CHD1L: variants seen among roughly 807,000 people sequenced by gnomAD.
CHD1L encodes chromodomain helicase DNA binding protein 1 like.
In CHD1L, 118 loss-of-function variants were observed where a neutral mutation model predicts 115.9. That is an observed-to-expected ratio of 1.02 (90% CI 0.88 to 1.19). CHD1L has a LOEUF of 1.19. CHD1L is among the 50% of genes most tolerant of loss of function. CHD1L has a pLI of 0.00. For missense variants in CHD1L, 1,179 were observed against 1,065.3 expected, an observed-to-expected ratio of 1.11 and a Z score of -1.49; for synonymous variants, 411 against 387.1, an observed-to-expected ratio of 1.06 and a Z score of -0.72.
Position 147,286,623 on chromosome 1 carries a change from G to T in CHD1L, c.2221+123G>T. 6 of 824,790 alleles carry T rather than the reference G, an allele frequency of 7.3e-6. No homozygotes were observed. In the South Asian group the frequency reaches 1.0e-4, roughly 14 times the overall value. 51.1% of individuals were successfully genotyped at this position (824,790 alleles called of 1,614,324 possible). A position where few individuals can be genotyped will look rare whatever the true frequency, so the allele number is the denominator to read the frequency against. On this transcript the variant is annotated intron_variant, in intron 18 of 22. Coordinates refer to ENST00000369258, the MANE Select transcript of CHD1L (RefSeq NM_004284.6). ...TGTAGTATTGTACAGTCAAAAAAGT[G>T]TGAATTTTAGAGTCAGGAGATATTC...
At chr1:147,247,779 T>C (rs954460487) in intron 1 of CHD1L, among the ~76,000 whole-genome samples, 1 of 152,136 alleles carries the variant, frequency 6.6e-6, no homozygotes, top group Non-Finnish European at 1.5e-5. Flanking sequence ...GAGAATATAT[T>C]TCCCAGCATC....
intron 6 of CHD1L, 90 bp from the exon 7 acceptor site, chr1:147,264,332 T>A: frequency 8.5e-7 from 1 of 1,182,602 alleles, no homozygotes; most frequent in African/African-American, 1.6e-5. Context: ...AAATCATGCC[T>A]CTCTCTGTGT....
chr1:147,229,987 T>C, the CHD1L span, among the ~76,000 whole-genome samples: 10,539 of 139,938 alleles, frequency 0.075, 470 homozygotes, highest in East Asian at 0.13. Flanking sequence ...TTTTCCTAAT[T>C]GAATACCCTT....
At chr1:147,276,804 G>A (rs375346269) in intron 14 of CHD1L, among the ~76,000 whole-genome samples, 2 of 152,172 alleles carry the variant, frequency 1.3e-5, no homozygotes, top group African/African-American at 4.8e-5. Context: ...AGGACTTAGA[G>A]TTACTCTGTA....
At chr1:147,280,609 G>A (rs1680470829) in intron 15 of CHD1L, among the ~76,000 whole-genome samples, 1 of 152,038 alleles carries the variant, frequency 6.6e-6, no homozygotes, top group Admixed American at 6.5e-5. Flanking sequence ...CATTTATTTT[G>A]CGTTCATCAA....
rs11376734 is a variant in CHD1L, at chr1:147,275,797, G to A, written c.1386-307G>A. Among the ~76,000 whole-genome samples, 27,229 of 94,256 alleles carry A rather than the reference G, an allele frequency of 0.29. 2,848 individuals are homozygous for A. The highest frequency in any genetic ancestry group is 0.44 in the East Asian group (1,735 of 3,906). The allele number at this position is 94,256 out of a possible 152,430, so 61.8% of individuals were successfully genotyped here. A position where few individuals can be genotyped will look rare whatever the true frequency, so the allele number is the denominator to read the frequency against. On this transcript the variant is annotated intron_variant, in intron 13 of 22. Coordinates refer to ENST00000369258, the MANE Select transcript of CHD1L (RefSeq NM_004284.6). ...GGAGCTAAGCTAAAAAAAAAAAAAA[G>A]AAAGATAGATGTTGCCCTTTGATCT... is the stretch of plus-strand genomic sequence containing the variant.
At chr1:147,177,373 T>C in the CHD1L span, among the ~76,000 whole-genome samples, 11 of 152,152 alleles carry the variant, frequency 7.2e-5, no homozygotes, top group Non-Finnish European at 1.5e-5. Flanking sequence ...AAGTAAATGA[T>C]TGAAGAAACA....
At chr1:147,230,630 A>G in the CHD1L span, among the ~76,000 whole-genome samples, 1 of 128,296 alleles carries the variant, frequency 7.8e-6, no homozygotes, top group African/African-American at 3.4e-5. Flanking sequence ...CTGTGAATCC[A>G]TCTGGTCCTG....
In CHD1L at chr1:147,286,291, G is replaced by C; in HGVS notation, c.2019-7G>C. The stretch of plus-strand genomic sequence containing the variant: ...GTTAATTTCCTTTTGTCTCTGGCCT[G>C]CTAAAGGATGGCCTGGTGGGAATCC... On this transcript the variant is annotated splice_polypyrimidine_tract_variant and splice_region_variant and intron_variant, in intron 17 of 22. Transcript: ENST00000369258. 1.2e-6 allele frequency: 2 copies of C among 1,613,326 alleles called. No homozygotes were observed. The highest frequency in any genetic ancestry group is 2.2e-5 in the East Asian group (1 of 44,840).
the CHD1L span, among the ~76,000 whole-genome samples, chr1:147,233,654 G>T: frequency 3.3e-5 from 5 of 152,324 alleles, no homozygotes; most frequent in African/African-American, 9.6e-5. Flanking sequence ...GAATAGAAAG[G>T]GGGGAAAGGT....
At chr1:147,232,867 C>T in the CHD1L span, among the ~76,000 whole-genome samples, 34 of 152,276 alleles carry the variant, frequency 2.2e-4, no homozygotes, top group Middle Eastern at 3.4e-3. Context: ...ACCTCCCAGC[C>T]GCCTGCCTTG....
chr1:147,213,700 T>G, the CHD1L span, among the ~76,000 whole-genome samples: 1 of 152,168 alleles, frequency 6.6e-6, no homozygotes, highest in East Asian at 1.9e-4. Flanking sequence ...TACCCTCCTC[T>G]TCTAGAAAAG....
At chr1:147,278,630 C>T (rs191208908) in intron 14 of CHD1L, among the ~76,000 whole-genome samples, 2 of 151,444 alleles carry the variant, frequency 1.3e-5, no homozygotes, top group East Asian at 3.9e-4. Flanking sequence ...AAGAAGGAAA[C>T]AGGTTTTTTA....
chr1:147,197,100 A>C, the CHD1L span, among the ~76,000 whole-genome samples: 1 of 152,148 alleles, frequency 6.6e-6, no homozygotes, highest in Non-Finnish European at 1.5e-5. Context: ...TTGCCTGTGA[A>C]TATTTCTAGT....
intron 20 of CHD1L, among the ~76,000 whole-genome samples, chr1:147,293,305 A>G (rs1190346481): frequency 9.4e-6 from 1 of 106,746 alleles, no homozygotes; most frequent in Non-Finnish European, 2.1e-5. Context: ...ATTCAGAAAA[A>G]TTCTCTTTTT....
At chr1:147,173,048 T>A in the CHD1L span, 5,949 of 152,656 alleles carry the variant, frequency 0.039, 175 homozygotes, top group South Asian at 0.095. Context: ...CACGCCTGTA[T>A]TCCCAGCACT....
chr1:147,180,867 G>C, the CHD1L span, among the ~76,000 whole-genome samples: 5 of 152,188 alleles, frequency 3.3e-5, no homozygotes, highest in Non-Finnish European at 5.9e-5. Context: ...TTGCTGGTCT[G>C]TGTACCCAGA....
intron 9 of CHD1L, 71 bp downstream of exon 9, chr1:147,267,589 T>C (rs1318793514): frequency 8.6e-7 from 1 of 1,169,374 alleles, no homozygotes; most frequent in African/African-American, 1.5e-5. Flanking sequence ...ACCAAAATTC[T>C]TCAAAATAAT....
rs587765141 is a variant in CHD1L, at chr1:147,295,454, C to T, written c.2639C>T (p.Ser880Phe). The change falls in exon 23 of 23, where the codon TCT becomes TTT. Residue 880 changes from serine (S) to phenylalanine (F), a missense_variant. Physicochemically the swap from Ser to Phe is radical, Grantham distance 155 (BLOSUM62 -2). Coordinates refer to ENST00000369258, the MANE Select transcript of CHD1L (RefSeq NM_004284.6). ...AGATATTATTTTCCTAGAAGCAAGT[C>T]TGCTGTCCTTCATTCACAGTCTTCA... The part of the protein sequence containing the change: ...TYIYYFPRSK[S>F]AVLHSQSSSS... The T allele has an allele frequency of 1.4e-5, 23 of 1,611,324 alleles. 1 individual carries two copies. The South Asian group carries it at 2.2e-4, about 15-fold the overall frequency.
Sources: gnomAD v4.1 joint callset for allele counts (sites outside exome capture counted in the v4.1 genomes callset) on GRCh38, gnomAD v4.1.1 for gene constraint, MANE v1.5 for transcripts, NCBI Gene and HGNC (gene_info 2026-07-23, HGNC 2026-07-21) for gene names.